The following SLC9C1 variants were observed in gnomAD, a reference collection of about 807,000 sequenced individuals.
SLC9C1 encodes the protein sodium/hydrogen exchanger 10.
SLC9C1 carries 97 observed loss-of-function variants against 140.9 expected under a neutral mutation model. The observed-to-expected ratio is 0.69, with a 90% confidence interval of 0.58 to 0.82. The LOEUF is 0.82. Ranked by LOEUF, SLC9C1 falls within the 40% of genes least tolerant of loss-of-function variation. The pLI, the probability that SLC9C1 is intolerant of heterozygous loss-of-function variation, is 0.00. For missense variants in SLC9C1, 1,340 were observed against 1,389.3 expected, an observed-to-expected ratio of 0.96 and a Z score of 0.56; for synonymous variants, 440 against 442.6, an observed-to-expected ratio of 0.99 and a Z score of 0.07.
At chr3:112,293,552 C>T (rs1372104701) in intron 1 of SLC9C1, among the ~76,000 whole-genome samples, 1 of 152,186 alleles carries the variant, frequency 6.6e-6, no homozygotes, top group Non-Finnish European at 1.5e-5. Flanking sequence ...GTAATCTTCA[C>T]AGCTACAAAG....
chr3:112,278,635 T>C, intron 4 of SLC9C1, 94 bp downstream of exon 4: 1 of 1,346,178 alleles, frequency 7.4e-7, no homozygotes, highest in East Asian at 2.5e-5. Flanking sequence ...TCTTTCTTCT[T>C]TGTTCCCTAT....
chr3:112,155,807 A>G (rs909897825), intron 26 of SLC9C1, among the ~76,000 whole-genome samples: 5 of 152,106 alleles, frequency 3.3e-5, no homozygotes, highest in African/African-American at 1.2e-4. Context: ...TGCCCTGTAT[A>G]TGCTTAATCA....
Position 112,208,314 on chromosome 3 carries a change from C to G in SLC9C1, c.1850G>C (p.Gly617Ala). Residue 617 changes from glycine (G) to alanine (A), a missense_variant, in exon 16 of 29, where the codon GGA becomes GCA. By Grantham distance (60) the Gly-to-Ala change is moderately conservative. Coordinates refer to ENST00000305815, the MANE Select transcript of SLC9C1 (RefSeq NM_183061.3). ...IVFTEEFEHV[G>A]YLVILMNIFP... ...TATATTCATTAATATCACAAGGTAT[C>G]CAACATGTTCAAATTCCTCAGTAAA... 1 of 1,606,990 alleles carries G rather than the reference C, an allele frequency of 6.2e-7. No homozygotes were observed. The highest frequency in any genetic ancestry group is 8.5e-7 in the Non-Finnish European group (1 of 1,176,242).
At chr3:112,186,236 TA>T (rs1395224087) in intron 20 of SLC9C1, among the ~76,000 whole-genome samples, 1 of 125,670 alleles carries the variant, frequency 8.0e-6, no homozygotes, top group Non-Finnish European at 1.7e-5. Context: ...TTAATGTTAT[TA>T]AAATCCAATT....
At chr3:112,265,871 A>C (rs1263715812) in intron 8 of SLC9C1, among the ~76,000 whole-genome samples, 1 of 152,100 alleles carries the variant, frequency 6.6e-6, no homozygotes, top group African/African-American at 2.4e-5. Context: ...CAACTTAATT[A>C]AACTTAATTT....
intron 2 of SLC9C1, among the ~76,000 whole-genome samples, chr3:112,286,175 C>A (rs199595342): frequency 7.9e-6 from 1 of 127,060 alleles, no homozygotes; most frequent in Non-Finnish European, 1.7e-5. Flanking sequence ...AAGCCCATAA[C>A]AAATATTTAA....
At position 112,155,069 on chromosome 3, in the gene SLC9C1, A is replaced by G. The variant is rs2075092220; in HGVS notation, c.3365-20T>C. ...CTGAACCTGATTAAAAAAAAAAAAA[A>G]CAGTGTTAATTCAACCACTGAAGCA... is the stretch of plus-strand genomic sequence containing the variant. On this transcript the variant is annotated intron_variant, in intron 26 of 28. Transcript: ENST00000305815. The G allele has an allele frequency of 2.5e-6, 4 of 1,588,808 alleles. No individual in the cohort carries two copies. The South Asian group carries it at 4.5e-5, about 18-fold the overall frequency.
At chr3:112,185,344 A>G in intron 20 of SLC9C1, 2 of 653,182 alleles carry the variant, frequency 3.1e-6, no homozygotes, top group East Asian at 2.8e-5. Flanking sequence ...TCGTGTAAAA[A>G]AAAAATAATA....
rs190420112 is a variant in SLC9C1 at position 112,229,172 on chromosome 3, G to T, written c.1572+2189C>A. Among the ~76,000 whole-genome samples the T allele has an allele frequency of 2.2e-3, 335 of 152,210 alleles. 4 individuals carry two copies. Among genetic ancestry groups the T allele is most frequent in the African/African-American group, 7.6e-3 (314 of 41,558 alleles). ...ATAGTGGCTCCAAGAGGCTGGGAAGGGTAGGGGGACAGGGGAGCTAGCAGG... is the reference window on the plus strand; with the variant it reads ...ATAGTGGCTCCAAGAGGCTGGGAAGTGTAGGGGGACAGGGGAGCTAGCAGG... On this transcript the variant is annotated intron_variant, in intron 13 of 28. Transcript: ENST00000305815.
intron 2 of SLC9C1, 79 bp from the exon 3 acceptor site, chr3:112,280,862 T>A (rs927702887): frequency 7.7e-7 from 1 of 1,304,484 alleles, no homozygotes; most frequent in Non-Finnish European, 1.1e-6. Context: ...TTTCTTAAAA[T>A]TGTGAACAAT....
At chr3:112,186,247 T>C (rs1387211983) in intron 20 of SLC9C1, among the ~76,000 whole-genome samples, 1 of 68,096 alleles carries the variant, frequency 1.5e-5, no homozygotes, top group Non-Finnish European at 3.1e-5. Flanking sequence ...AAAATCCAAT[T>C]TGGTATCCTA....
chr3:112,291,101 A>T (rs1004911898), intron 1 of SLC9C1, among the ~76,000 whole-genome samples: 1 of 152,174 alleles, frequency 6.6e-6, no homozygotes, highest in Admixed American at 6.5e-5. Flanking sequence ...TTAGCTGGTG[A>T]TTATGCAGAC....
chr3:112,173,808 T>C (rs2077289219), intron 23 of SLC9C1, among the ~76,000 whole-genome samples: 1 of 152,238 alleles, frequency 6.6e-6, no homozygotes, highest in African/African-American at 2.4e-5. Flanking sequence ...AATAACAAAA[T>C]TGTTGGGTTG....
At position 112,232,681 on chromosome 3, in the gene SLC9C1, G is replaced by T. The variant is rs917840782; in HGVS notation, c.1447-1195C>A. ...AAACAAAAACATTGTAAAAACCATT[G>T]AAAACTGGACATGATGTAGGACACG... On this transcript the variant is annotated intron_variant, in intron 12 of 28. Transcript: ENST00000305815. Among the ~76,000 whole-genome samples the T allele has an allele frequency of 2.0e-5, 3 of 152,116 alleles. No individual in the cohort carries two copies. In the East Asian group the frequency reaches 5.8e-4, roughly 29 times the overall value.
intron 15 of SLC9C1, among the ~76,000 whole-genome samples, chr3:112,211,360 G>A (rs1292168859): frequency 6.8e-6 from 1 of 147,096 alleles, no homozygotes; most frequent in Admixed American, 6.9e-5. Flanking sequence ...GACAGTGGGT[G>A]CAGGACAGTG....
intron 13 of SLC9C1, among the ~76,000 whole-genome samples, chr3:112,225,518 A>C (rs1277058915): frequency 4.3e-5 from 6 of 139,388 alleles, no homozygotes; most frequent in Non-Finnish European, 9.3e-5. Context: ...AAGATAAACA[A>C]ACAAAAGGAA....
At chr3:112,222,233 A>G (rs1431009963) in intron 13 of SLC9C1, among the ~76,000 whole-genome samples, 1 of 152,222 alleles carries the variant, frequency 6.6e-6, no homozygotes, top group Non-Finnish European at 1.5e-5. Context: ...GCTTAGCAAC[A>G]CAAATACCAA....
chr3:112,239,587 A>T (rs562232986), intron 12 of SLC9C1, among the ~76,000 whole-genome samples: 1 of 152,162 alleles, frequency 6.6e-6, no homozygotes, highest in African/African-American at 2.4e-5. Flanking sequence ...CTATTTGGCC[A>T]TCTTGGAACC....
chr3:112,150,806 AT>A (rs2074941658), intron 28 of SLC9C1, among the ~76,000 whole-genome samples: 3 of 47,314 alleles, frequency 6.3e-5, no homozygotes, highest in Non-Finnish European at 1.2e-4. Context: ...ATATATATAT[AT>A]ATAAATACAT....
Sources: allele counts gnomAD v4.1 joint callset (sites outside exome capture counted in the v4.1 genomes callset), GRCh38; gene constraint gnomAD v4.1.1; transcripts MANE v1.5; gene names NCBI Gene and HGNC (gene_info 2026-07-23, HGNC 2026-07-21).